Variants in R3HDM4 observed in about 807,000 individuals in gnomAD.
R3HDM4 encodes R3H domain containing 4, also known as R3H domain-containing protein 4.
Under a neutral mutation model 31.3 loss-of-function variants are expected in R3HDM4, and 30 were observed. The observed-to-expected ratio is 0.96, with a 90% CI of 0.72 to 1.30. The LOEUF (loss-of-function observed/expected upper bound fraction) is 1.30, where lower values mean the gene tolerates loss of function less well. R3HDM4 is among the 50% of genes most tolerant of loss of function. The pLI, the probability that R3HDM4 is intolerant of heterozygous loss-of-function variation, is 0.00. For missense variants in R3HDM4, 444 were observed against 366.1 expected (o/e 1.21, Z -1.74); for synonymous variants, 196 against 156.6 (o/e 1.25, Z -1.88).
chr19:901,652 C>A, intron 2 of R3HDM4, 106 bp from the exon 3 acceptor site: 1 of 1,405,088 alleles, frequency 7.1e-7, no homozygotes, highest in Non-Finnish European at 9.6e-7. Flanking sequence ...TCTCAACCTC[C>A]GCACCTCCAT....
chr19:911,282 A>G (rs1353306287), intron 1 of R3HDM4, among the ~76,000 whole-genome samples: 1 of 152,082 alleles, frequency 6.6e-6, no homozygotes, highest in East Asian at 1.9e-4. Context: ...CATCTCTACT[A>G]AAAATACAAC....
Position 907,564 on chromosome 19 carries a change from C to T in R3HDM4, c.72-5434G>A, listed in dbSNP as rs1020944234. On this transcript the variant is annotated intron_variant, in intron 1 of 7. Coordinates refer to ENST00000361574, the MANE Select transcript of R3HDM4 (RefSeq NM_138774.4). The surrounding 1 kb of genome is among the most constrained non-coding windows in gnomAD (Gnocchi z 4.1). ...GAGGTGGGGCTGTCCCCCGTCACCA[C>T]CCAGACAATGCAAGGAGCTGGATGT... Among the ~76,000 whole-genome samples, 13 of 152,278 alleles carry T rather than the reference C, an allele frequency of 8.5e-5. No individual in the cohort carries two copies. The highest frequency in any genetic ancestry group is 3.1e-4 in the African/African-American group (13 of 41,554).
At position 899,478 on chromosome 19, in the gene R3HDM4, A is replaced by G. The variant is rs752612568; in HGVS notation, c.665T>C (p.Leu222Pro). The part of the protein sequence containing the change: ...MLDNSFERLL[L>P]HAVCQYMDLI... ...GTCCATGTACTGGCAGACAGCGTGC[A>G]GCAGAAGCCTCTCGAAGCTGTGGGG... Residue 222 changes from leucine (L) to proline (P), a missense_variant, in exon 7 of 8, where the codon CTG becomes CCG. Leu to Pro is a moderately conservative substitution (Grantham distance 98). Coordinates refer to ENST00000361574, the MANE Select transcript of R3HDM4 (RefSeq NM_138774.4). This position sits in a 1 kb window ranked among gnomAD's most constrained non-coding sequence, Gnocchi z 6.8. 1.9e-6 allele frequency: 3 copies of G among 1,613,656 alleles called. No individual in the cohort carries two copies. Among genetic ancestry groups the G allele is most frequent in the Admixed American group, 3.3e-5 (2 of 60,022 alleles).
chr19:911,037 C>T (rs1213280217), intron 1 of R3HDM4, among the ~76,000 whole-genome samples: 1 of 152,080 alleles, frequency 6.6e-6, no homozygotes, highest in Admixed American at 6.6e-5. Flanking sequence ...AGGAGAATGG[C>T]GTGAACCCAG....
chr19:900,717 C>T, intron 4 of R3HDM4, 112 bp downstream of exon 4: 1 of 433,416 alleles, frequency 2.3e-6, no homozygotes, highest in Non-Finnish European at 3.3e-6. Context: ...CACTCCAGGT[C>T]CCGCCCACAC....
At chr19:901,390 T>G in intron 3 of R3HDM4, 32 bp downstream of exon 3, 3 of 1,591,188 alleles carry the variant, frequency 1.9e-6, no homozygotes, top group Non-Finnish European at 2.6e-6. Flanking sequence ...GGGGTCCCCG[T>G]GTGGAGGGAG....
In R3HDM4 at chr19:899,569, GAGGGTCCGCTCGCCTGGCCGCC is replaced by G; in HGVS notation, c.647+10_647+31del. On this transcript the variant is annotated intron_variant, in intron 6 of 7. Transcript: ENST00000361574. This position sits in a 1 kb window ranked among gnomAD's most constrained non-coding sequence, Gnocchi z 6.8. The stretch of plus-strand genomic sequence containing the variant: ...GTCCGCCCACCTGGCCGCAGCCTCG[GAGGGTCCGCTCGCCTGGCCGCC>G]CCCCCTTACCTGTTGTCTAGCATTG... 6.2e-7 allele frequency: 1 copy of G among 1,612,306 alleles called. No individual in the cohort carries two copies. Among genetic ancestry groups the G allele is most frequent in the Non-Finnish European group, 8.5e-7 (1 of 1,179,244 alleles).
chr19:907,057 C>T lies in R3HDM4; in HGVS notation c.72-4927G>A, dbSNP rs951538692. Reference sequence around the variant, plus strand: ...CTTGAACTCCTGACCTTAAGTGATCCGCCTGCCTCAGCCTCCCAAAGTGCT... The same window carrying T: ...CTTGAACTCCTGACCTTAAGTGATCTGCCTGCCTCAGCCTCCCAAAGTGCT... On this transcript the variant is annotated intron_variant, in intron 1 of 7. Coordinates refer to ENST00000361574, the MANE Select transcript of R3HDM4 (RefSeq NM_138774.4). The surrounding 1 kb of genome is among the most constrained non-coding windows in gnomAD (Gnocchi z 4.1). Among the ~76,000 whole-genome samples, 2 of 152,050 alleles carry T rather than the reference C, an allele frequency of 1.3e-5. No individual in the cohort carries two copies. The highest frequency in any genetic ancestry group is 2.1e-4 in the South Asian group (1 of 4,818).
chr19:905,052 CAA>C (rs1319658605), intron 1 of R3HDM4, among the ~76,000 whole-genome samples: 1 of 151,190 alleles, frequency 6.6e-6, no homozygotes, highest in Non-Finnish European at 1.5e-5. Flanking sequence ...ACTAAAAATA[CAA>C]AAAATAAGCC....
chr19:902,923 C>CA (rs2036855473), intron 1 of R3HDM4, among the ~76,000 whole-genome samples: 1 of 152,106 alleles, frequency 6.6e-6, no homozygotes, highest in South Asian at 2.1e-4. Context: ...GCCTGGGCGA[C>CA]GGAGTGAGAC....
rs2036842193 is a variant in R3HDM4, at chr19:901,897, G to A, written c.226+79C>T. 7.8e-6 allele frequency: 12 copies of A among 1,544,164 alleles called. No individual in the cohort carries two copies. In the South Asian group the frequency reaches 1.4e-4, roughly 17 times the overall value. On this transcript the variant is annotated intron_variant, in intron 2 of 7. Coordinates refer to ENST00000361574, the MANE Select transcript of R3HDM4 (RefSeq NM_138774.4). ...CCACCCAGGCACAGCTCATGGGAGG[G>A]GTAACAGATAACACCAATATGCATG... is the stretch of plus-strand genomic sequence containing the variant.
At chr19:903,208 A>G (rs2036858473) in intron 1 of R3HDM4, among the ~76,000 whole-genome samples, 1 of 150,950 alleles carries the variant, frequency 6.6e-6, no homozygotes, top group East Asian at 2.0e-4. Context: ...ACAGCCCCAG[A>G]AGCTCAAGGT....
chr19:899,146 A>G lies in R3HDM4; in HGVS notation c.703+294T>C, dbSNP rs1340971959. On this transcript the variant is annotated intron_variant, in intron 7 of 7. Coordinates refer to ENST00000361574, the MANE Select transcript of R3HDM4 (RefSeq NM_138774.4). This position sits in a 1 kb window ranked among gnomAD's most constrained non-coding sequence, Gnocchi z 6.8. ...TCTCTGGCTCTGGGAGGTCCCTCAA[A>G]TCCAGGCTTCATCACCCCCACCCCG... 6.6e-6 allele frequency among the ~76,000 whole-genome samples: 1 copy of G among 151,866 alleles called. No individual in the cohort carries two copies. Among genetic ancestry groups the G allele is most frequent in the Non-Finnish European group, 1.5e-5 (1 of 67,944 alleles).
intron 1 of R3HDM4, 106 bp from the exon 2 acceptor site, chr19:902,236 G>T (rs1158139864): frequency 2.3e-6 from 3 of 1,293,412 alleles, no homozygotes; most frequent in Non-Finnish European, 3.3e-6. Context: ...GCAATGGAGA[G>T]CTCACCCCTA....
chr19:897,622 TCG>T, intron 7 of R3HDM4, 82 bp from the exon 8 acceptor site: 6 of 1,108,744 alleles, frequency 5.4e-6, no homozygotes, highest in Non-Finnish European at 7.8e-6. Flanking sequence ...TGCACCACCC[TCG>T]CTTCTTCCCA....
At chr19:903,333 A>G (rs2036860705) in intron 1 of R3HDM4, among the ~76,000 whole-genome samples, 1 of 150,042 alleles carries the variant, frequency 6.7e-6, no homozygotes, top group African/African-American at 2.4e-5. Context: ...GCCGGAGCAA[A>G]TGGCATTAAT....
rs1373692852 is a variant in R3HDM4 at position 899,126 on chromosome 19, G to C, written c.703+314C>G. On this transcript the variant is annotated intron_variant, in intron 7 of 7. Coordinates refer to ENST00000361574, the MANE Select transcript of R3HDM4 (RefSeq NM_138774.4). This position sits in a 1 kb window ranked among gnomAD's most constrained non-coding sequence, Gnocchi z 6.8. ...CACTGCGTCCCCCCATCTTATCTCT[G>C]GCTCTGGGAGGTCCCTCAAATCCAG... is the stretch of plus-strand genomic sequence containing the variant. 6.6e-6 allele frequency among the ~76,000 whole-genome samples: 1 copy of C among 152,104 alleles called. No individual in the cohort carries two copies. The highest frequency in any genetic ancestry group is 2.4e-5 in the African/African-American group (1 of 41,408).
intron 1 of R3HDM4, among the ~76,000 whole-genome samples, chr19:910,233 G>A (rs754100971): frequency 2.0e-5 from 3 of 152,044 alleles, no homozygotes; most frequent in Non-Finnish European, 2.9e-5. Context: ...GCTGAGGGAG[G>A]AGAATCGCTT....
chr19:903,497 C>G (rs1053527873), intron 1 of R3HDM4, among the ~76,000 whole-genome samples: 2 of 148,132 alleles, frequency 1.4e-5, no homozygotes, highest in African/African-American at 5.0e-5. Context: ...ACCCGGGAAG[C>G]GGGCGGCGTT....
Sources: gnomAD v4.1 joint callset for allele counts (sites outside exome capture counted in the v4.1 genomes callset) on GRCh38, gnomAD v4.1.1 for gene constraint, Gnocchi (gnomAD v3.1) non-coding constraint, MANE v1.5 for transcripts, NCBI Gene and HGNC (gene_info 2026-07-23, HGNC 2026-07-21) for gene names.